The following TFAP2D variants were observed in gnomAD, a reference collection of about 807,000 sequenced individuals.
The protein encoded by TFAP2D is transcription factor AP-2 delta.
Under a neutral mutation model 43.6 loss-of-function variants are expected in TFAP2D, and 9 were observed. That is an observed-to-expected ratio of 0.21 (90% CI 0.12 to 0.36). TFAP2D has a LOEUF of 0.36. Among genes scored for constraint, TFAP2D ranks in the 10% least tolerant of loss-of-function variants. The pLI is 1.00. For missense variants in TFAP2D, 513 were observed against 561.4 expected, an observed-to-expected ratio of 0.91 and a Z score of 0.87; for synonymous variants, 256 against 224.9, an observed-to-expected ratio of 1.14 and a Z score of -1.24.
At chr6:50,756,240 T>C (rs1946013362) in intron 7 of TFAP2D, among the ~76,000 whole-genome samples, 1 of 152,044 alleles carries the variant, frequency 6.6e-6, no homozygotes, top group East Asian at 1.9e-4. Context: ...AAGAGAAAGA[T>C]GAATTACGAA....
At chr6:50,767,806 C>A (rs1769465350) in intron 7 of TFAP2D, among the ~76,000 whole-genome samples, 1 of 152,122 alleles carries the variant, frequency 6.6e-6, no homozygotes, top group Non-Finnish European at 1.5e-5. Flanking sequence ...CACGTGATTA[C>A]ATAGGGTGAA....
intron 6 of TFAP2D, among the ~76,000 whole-genome samples, chr6:50,749,024 A>G (rs1769163315): frequency 6.6e-6 from 1 of 151,872 alleles, no homozygotes; most frequent in African/African-American, 2.4e-5. Flanking sequence ...TTAAATAAGA[A>G]GGAAAGTAGT....
intron 7 of TFAP2D, among the ~76,000 whole-genome samples, chr6:50,767,799 G>A (rs1015093921): frequency 1.3e-5 from 2 of 152,154 alleles, no homozygotes; most frequent in South Asian, 2.1e-4. Flanking sequence ...AATAGAGCAC[G>A]TGATTACATA....
intron 7 of TFAP2D, among the ~76,000 whole-genome samples, chr6:50,762,319 C>G (rs546725056): frequency 1.3e-5 from 2 of 151,752 alleles, no homozygotes; most frequent in Non-Finnish European, 2.9e-5. Context: ...AAGAAGATGC[C>G]ATTTTACAAG....
Position 50,742,524 on chromosome 6 carries a change from TTGGATGGA to T in TFAP2D, c.884-2567_884-2560del, listed in dbSNP as rs202014854. On this transcript the variant is annotated intron_variant, in intron 5 of 7. Coordinates refer to ENST00000008391, the MANE Select transcript of TFAP2D (RefSeq NM_172238.4). ...TTGTGCAAACAGTAAAGAAAAAGGA[TTGGATGGA>T]TGGATGGATGGATGGGTGGATGGAC... 9.9e-5 allele frequency among the ~76,000 whole-genome samples: 15 copies of T among 151,094 alleles called. No homozygotes were observed. In the East Asian group the frequency reaches 1.6e-3, roughly 16 times the overall value.
chr6:50,737,675 C>T (rs775396368), intron 5 of TFAP2D, among the ~76,000 whole-genome samples: 1 of 152,096 alleles, frequency 6.6e-6, no homozygotes, highest in South Asian at 2.1e-4. Context: ...TCTGTAGATA[C>T]TATTTTGCAA....
At chr6:50,716,191 G>C (rs1768625001) in intron 2 of TFAP2D, among the ~76,000 whole-genome samples, 2 of 152,070 alleles carry the variant, frequency 1.3e-5, no homozygotes, top group African/African-American at 4.8e-5. Flanking sequence ...AGATATCTGT[G>C]GAAAGTAAAG....
chr6:50,742,524 TTGGA>T (rs202014854), intron 5 of TFAP2D, among the ~76,000 whole-genome samples: 13 of 151,094 alleles, frequency 8.6e-5, no homozygotes, highest in East Asian at 3.9e-4. Flanking sequence ...AGAAAAAGGA[TTGGA>T]TGGATGGATG....
At chr6:50,770,414 AT>A (rs67721228) in intron 7 of TFAP2D, among the ~76,000 whole-genome samples, 5 of 151,362 alleles carry the variant, frequency 3.3e-5, no homozygotes, top group South Asian at 4.2e-4. Context: ...AGAGATGGGA[AT>A]TTTTTTTTCT....
chr6:50,750,945 T>C (rs1581772957), intron 6 of TFAP2D, among the ~76,000 whole-genome samples: 1 of 152,144 alleles, frequency 6.6e-6, no homozygotes, highest in Admixed American at 6.6e-5. Context: ...TTATGAATAG[T>C]CATCTTAAAA....
intron 2 of TFAP2D, chr6:50,718,204 G>C (rs530493072): frequency 6.6e-6 from 1 of 152,202 alleles, no homozygotes; most frequent in African/African-American, 2.4e-5. Context: ...GGTTGAAAAG[G>C]GGGGTCTTAC....
chr6:50,721,727 C>A (rs980363330), intron 3 of TFAP2D, among the ~76,000 whole-genome samples: 2 of 152,148 alleles, frequency 1.3e-5, no homozygotes, highest in Admixed American at 6.5e-5. Context: ...GTTTCTTTTC[C>A]AGCTCATGCT....
chr6:50,714,682 G>T (rs927270226), intron 1 of TFAP2D, among the ~76,000 whole-genome samples: 1 of 152,138 alleles, frequency 6.6e-6, no homozygotes, highest in African/African-American at 2.4e-5. Flanking sequence ...TAGTTAGAGT[G>T]GCAAGGCGCC....
intron 3 of TFAP2D, among the ~76,000 whole-genome samples, chr6:50,727,306 C>T (rs1768821386): frequency 1.3e-5 from 2 of 152,128 alleles, no homozygotes; most frequent in Non-Finnish European, 2.9e-5. Flanking sequence ...TTTCTGTCTC[C>T]TCAGGTTTGG....
chr6:50,745,262 G>A lies in TFAP2D; in HGVS notation c.1025+14G>A, dbSNP rs1379298686. On this transcript the variant is annotated intron_variant, in intron 6 of 7. Transcript: ENST00000008391. ...CCTGGCGACCAAGTAAGCAGAATGG[G>A]GAAACCTCTGTGTGCTTTCATCTTC... 1 of 1,612,892 alleles carries A rather than the reference G, an allele frequency of 6.2e-7. No homozygotes were observed. The highest frequency in any genetic ancestry group is 1.1e-5 in the South Asian group (1 of 90,966).
At chr6:50,731,303 C>T (rs1410860495) in intron 5 of TFAP2D, among the ~76,000 whole-genome samples, 3 of 151,958 alleles carry the variant, frequency 2.0e-5, no homozygotes, top group Non-Finnish European at 4.4e-5. Context: ...TTTGAAATCC[C>T]CAGTATCTTC....
intron 3 of TFAP2D, among the ~76,000 whole-genome samples, 160 bp from the exon 4 acceptor site, chr6:50,728,696 G>A (rs887248153): frequency 1.3e-5 from 2 of 152,180 alleles, no homozygotes; most frequent in Admixed American, 1.3e-4. Context: ...GTATTTGAAA[G>A]AACATTTAGA....
chr6:50,737,101 C>T (rs1381441710), intron 5 of TFAP2D, among the ~76,000 whole-genome samples: 1 of 152,084 alleles, frequency 6.6e-6, no homozygotes, highest in Non-Finnish European at 1.5e-5. Flanking sequence ...CTGCCTCAGC[C>T]TCCTGAGTAG....
At chr6:50,759,574 T>C (rs1311324439) in intron 7 of TFAP2D, among the ~76,000 whole-genome samples, 1 of 152,064 alleles carries the variant, frequency 6.6e-6, no homozygotes, top group Non-Finnish European at 1.5e-5. Flanking sequence ...AGCATTTTCA[T>C]TCCTCTATTC....
Sources: gnomAD v4.1 joint callset for allele counts (sites outside exome capture counted in the v4.1 genomes callset) on GRCh38, gnomAD v4.1.1 for gene constraint, MANE v1.5 for transcripts, NCBI Gene and HGNC (gene_info 2026-07-23, HGNC 2026-07-21) for gene names.